CEP164: variants seen among roughly 807,000 people sequenced by gnomAD.
The protein encoded by CEP164 is centrosomal protein 164.
In CEP164, 162 loss-of-function variants were observed where a neutral mutation model predicts 182.7. The ratio of observed to expected loss-of-function variants is 0.89; its 90% CI spans 0.78 to 1.01. The LOEUF (loss-of-function observed/expected upper bound fraction) is 1.01, where lower values mean the gene tolerates loss of function less well. Among genes scored for constraint, CEP164 ranks in the 50% least tolerant of loss-of-function variants. The pLI is 0.00. For missense variants in CEP164, 1,735 were observed against 1,790.4 expected, an observed-to-expected ratio of 0.97 and a Z score of 0.56; for synonymous variants, 661 against 690.0, an observed-to-expected ratio of 0.96 and a Z score of 0.66.
Position 117,407,820 on chromosome 11 carries a change from G to T in CEP164, c.3502-105G>T. On this transcript the variant is annotated intron_variant, in intron 27 of 32. Transcript: ENST00000278935. ...GTTCTCTGTTCCAGATGAGAAAGCAGACTATAGTAATTTGTTCAAGATCAC... is the reference window on the plus strand; with the variant it reads ...GTTCTCTGTTCCAGATGAGAAAGCATACTATAGTAATTTGTTCAAGATCAC... 5.7e-6 allele frequency: 4 copies of T among 707,082 alleles called. No homozygotes were observed. In the East Asian group the frequency reaches 1.2e-4, roughly 20 times the overall value. 43.8% of individuals were successfully genotyped at this position (707,082 alleles called of 1,614,324 possible). A position where few individuals can be genotyped will look rare whatever the true frequency, so the allele number is the denominator to read the frequency against.
chr11:117,351,512 C>T (rs2039617316), intron 4 of CEP164, among the ~76,000 whole-genome samples: 1 of 152,158 alleles, frequency 6.6e-6, no homozygotes, highest in African/African-American at 2.4e-5. Context: ...TCAAGAACTC[C>T]AGTGATTATA....
rs1206534008 is a variant in CEP164, at chr11:117,391,123, G to A, written c.2191G>A (p.Ala731Thr). 1.9e-6 allele frequency: 3 copies of A among 1,614,036 alleles called. No homozygotes were observed. The highest frequency in any genetic ancestry group is 2.5e-6 in the Non-Finnish European group (3 of 1,179,998). Residue 731 changes from alanine to threonine, a missense_variant, in exon 17 of 33, where the codon GCT becomes ACT. Transcript: ENST00000278935. ...GGAGCAGCTCAAGGAAGAGATAGAG[G>A]CTTCGGAGAAGAGCGAGCAGGCTGC... ...MLEQLKEEIE[A>T]SEKSEQAALN...
chr11:117,398,411 T>G (rs184159440), intron 27 of CEP164, among the ~76,000 whole-genome samples: 374 of 151,910 alleles, frequency 2.5e-3, no homozygotes, highest in African/African-American at 8.0e-3. Context: ...ATTCTGGGGG[T>G]CTGGAGGACG....
At chr11:117,392,661 G>A (rs368394575) in intron 19 of CEP164, 34 bp downstream of exon 19, 16 of 1,605,582 alleles carry the variant, frequency 1.0e-5, no homozygotes, top group East Asian at 6.7e-5. Context: ...AGTCGTGTGC[G>A]CCTGTTGTGG....
chr11:117,326,059 C>A (rs968826881), upstream of CEP164, among the ~76,000 whole-genome samples: 1 of 151,564 alleles, frequency 6.6e-6, no homozygotes, highest in Admixed American at 6.6e-5. Context: ...TACAGGCATG[C>A]ACCACCATGC....
Position 117,409,765 on chromosome 11 carries a change from C to T in CEP164, c.3896C>T (p.Ala1299Val). 6.2e-7 allele frequency: 1 copy of T among 1,614,028 alleles called. No individual in the cohort carries two copies. ...SPPPLLASMPAQLPPRDPKST... is the reference protein window; with the variant it reads ...SPPPLLASMPVQLPPRDPKST... ...CCGCCGCTCCTCGCCTCCATGCCAGCCCAGCTCCCTCCCCGGGACCCTAAG... is the reference window on the plus strand; with the variant it reads ...CCGCCGCTCCTCGCCTCCATGCCAGTCCAGCTCCCTCCCCGGGACCCTAAG... Residue 1299 changes from alanine to valine, a missense_variant, in exon 30 of 33, where the codon GCC (alanine) becomes GTC (valine). Coordinates refer to ENST00000278935, the MANE Select transcript of CEP164 (RefSeq NM_014956.5). The surrounding 1 kb of genome is among the most constrained non-coding windows in gnomAD (Gnocchi z 4.4).
chr11:117,351,953 G>A lies in CEP164; in HGVS notation c.358G>A (p.Asp120Asn). Residue 120 changes from aspartate to asparagine, a missense_variant, in exon 5 of 33, where the codon GAC becomes AAC. Asp to Asn is a conservative substitution (Grantham distance 23). Transcript: ENST00000278935. ...KKKKKKKEKK[D>N]KKDRDPPKSS... ...GAAGAAAAAAAAAAAGGAAAAGAAA[G>A]ACAAGAAGGACAGAGACCCCCCCAA... 1 of 1,604,350 alleles carries A rather than the reference G, an allele frequency of 6.2e-7. No homozygotes were observed. The highest frequency in any genetic ancestry group is 8.5e-7 in the Non-Finnish European group (1 of 1,175,218).
intron 8 of CEP164, among the ~76,000 whole-genome samples, chr11:117,366,028 T>C (rs1003715095): frequency 2.6e-5 from 4 of 152,090 alleles, no homozygotes; most frequent in Admixed American, 2.6e-4. Flanking sequence ...TGGTGTTAAA[T>C]ACACCTCCTA....
chr11:117,372,040 C>T (rs1329786068), intron 9 of CEP164, among the ~76,000 whole-genome samples: 3 of 151,758 alleles, frequency 2.0e-5, no homozygotes, highest in East Asian at 1.9e-4. Context: ...AGGGTTTCAC[C>T]GTGTTGCCCA....
chr11:117,334,283 A>T (rs917034575), intron 1 of CEP164, among the ~76,000 whole-genome samples: 2 of 152,248 alleles, frequency 1.3e-5, no homozygotes, highest in East Asian at 3.8e-4. Flanking sequence ...AGACAAATAG[A>T]TATGACTTCT....
At chr11:117,366,944 C>CT (rs1211027610) in intron 8 of CEP164, among the ~76,000 whole-genome samples, 1 of 152,142 alleles carries the variant, frequency 6.6e-6, no homozygotes, top group African/African-American at 2.4e-5. Context: ...ATGGTAAAGT[C>CT]TTTTTTGAAA....
Position 117,409,185 on chromosome 11 carries a change from C to T in CEP164, c.3748+157C>T, listed in dbSNP as rs1161213164. The T allele has an allele frequency of 1.0e-6, 1 of 1,001,614 alleles. No individual in the cohort carries two copies. Among genetic ancestry groups the T allele is most frequent in the East Asian group, 2.6e-5 (1 of 38,194 alleles). The allele number at this position is 1,001,614 out of a possible 1,614,324, so 62.0% of individuals were successfully genotyped here. A position where few individuals can be genotyped will look rare whatever the true frequency, so the allele number is the denominator to read the frequency against. On this transcript the variant is annotated intron_variant, in intron 29 of 32. Transcript: ENST00000278935. This position sits in a 1 kb window ranked among gnomAD's most constrained non-coding sequence, Gnocchi z 4.4. ...CTCGGTCAGTGCTGGGAAGGAATCA[C>T]ACCATCTAGGTTTGCCAGCACGTGG...
intron 11 of CEP164, among the ~76,000 whole-genome samples, chr11:117,378,758 C>T (rs565551223): frequency 1.4e-4 from 21 of 152,134 alleles, no homozygotes; most frequent in African/African-American, 2.2e-4. Flanking sequence ...GGTATTTCCC[C>T]GAGGATCCCC....
chr11:117,400,778 C>T (rs1269447363), intron 27 of CEP164, among the ~76,000 whole-genome samples: 2 of 152,154 alleles, frequency 1.3e-5, no homozygotes, highest in Non-Finnish European at 2.9e-5. Flanking sequence ...CATGCTTTGG[C>T]TCTCCGTTTG....
chr11:117,344,992 A>G (rs2038689900), intron 4 of CEP164, among the ~76,000 whole-genome samples: 2 of 152,022 alleles, frequency 1.3e-5, no homozygotes, highest in South Asian at 4.2e-4. Flanking sequence ...AATAAAATGG[A>G]TGTTGATGTT....
intron 2 of CEP164, among the ~76,000 whole-genome samples, chr11:117,337,928 T>C (rs1471231275): frequency 6.6e-6 from 1 of 152,228 alleles, no homozygotes; most frequent in Non-Finnish European, 1.5e-5. Context: ...AACACCTGTC[T>C]GTGCAAGATG....
rs1396044851 is a variant in CEP164, at chr11:117,394,564, C to T, written c.2760+71C>T. 1.2e-5 allele frequency: 19 copies of T among 1,561,678 alleles called. No homozygotes were observed. Among genetic ancestry groups the T allele is most frequent in the Admixed American group, 3.7e-5 (2 of 53,560 alleles). ...ACAGTAGGAAGGTGCTGGGAGCAGACGCATGGCCCCAGCAGGATGCAGCCT... is the reference window on the plus strand; with the variant it reads ...ACAGTAGGAAGGTGCTGGGAGCAGATGCATGGCCCCAGCAGGATGCAGCCT... On this transcript the variant is annotated intron_variant, in intron 21 of 32. Coordinates refer to ENST00000278935, the MANE Select transcript of CEP164 (RefSeq NM_014956.5). This position sits in a 1 kb window ranked among gnomAD's most constrained non-coding sequence, Gnocchi z 4.0.
chr11:117,346,016 C>T (rs570985495), intron 4 of CEP164, among the ~76,000 whole-genome samples: 21 of 152,190 alleles, frequency 1.4e-4, no homozygotes, highest in African/African-American at 4.8e-4. Context: ...TTTCCTTTAA[C>T]CTTCTCCCAC....
Position 117,412,234 on chromosome 11 carries a change from G to T in CEP164, c.*66G>T. 2 of 1,433,228 alleles carry T rather than the reference G, an allele frequency of 1.4e-6. No homozygotes were observed. Among genetic ancestry groups the T allele is most frequent in the South Asian group, 2.5e-5 (2 of 80,296 alleles). The allele number at this position is 1,433,228 out of a possible 1,614,324, so 88.8% of individuals were successfully genotyped here. On this transcript the variant is annotated 3_prime_UTR_variant, in exon 33 of 33. Coordinates refer to ENST00000278935, the MANE Select transcript of CEP164 (RefSeq NM_014956.5). ...ACCCAGACCAAGTGCCTGAGGAGCT[G>T]CCTGCCTTCTTCCATCTGAGAAAGC...
Sources: allele counts gnomAD v4.1 joint callset (sites outside exome capture counted in the v4.1 genomes callset), GRCh38; gene constraint gnomAD v4.1.1; non-coding constraint Gnocchi (gnomAD v3.1); transcripts MANE v1.5; gene names NCBI Gene and HGNC (gene_info 2026-07-23, HGNC 2026-07-21).